Variants in FRMPD4 observed in about 807,000 individuals in gnomAD.
FRMPD4 encodes the protein FERM and PDZ domain containing 4.
FRMPD4 carries 22 observed loss-of-function variants against 94.1 expected under a neutral mutation model. The observed-to-expected ratio is 0.23, with a 90% CI of 0.17 to 0.33. The LOEUF (loss-of-function observed/expected upper bound fraction) is 0.33, where lower values mean the gene tolerates loss of function less well. FRMPD4 is among the 10% of genes least tolerant of loss of function. The probability of loss-of-function intolerance (pLI) is 1.00; values close to 1 mark genes in which losing one functional copy is unlikely to be tolerated. For synonymous variants in FRMPD4, 631 were observed against 548.6 expected (o/e 1.15, Z -2.10); for missense variants, 1,111 against 1,339.9 (o/e 0.83, Z 2.67).
chrX:11,841,585 G>C (rs2053537130), intron 1 of FRMPD4, among the ~76,000 whole-genome samples: 1 of 110,798 alleles, frequency 9.0e-6, no homozygotes, highest in South Asian at 3.8e-4. Context: ...CCCACTTTTT[G>C]ATGGGGTTGT....
chrX:12,475,421 C>T (rs1316019288), intron 1 of FRMPD4, among the ~76,000 whole-genome samples: 1 of 111,604 alleles, frequency 9.0e-6, no homozygotes, highest in East Asian at 2.8e-4. Flanking sequence ...GATGCCCTCT[C>T]TCACCACTCC....
At chrX:12,425,885 G>A (rs2056940073) in intron 1 of FRMPD4, among the ~76,000 whole-genome samples, 1 of 111,942 alleles carries the variant, frequency 8.9e-6, no homozygotes, top group South Asian at 3.8e-4. Context: ...TGTTAGCCAC[G>A]TAATTCCCAT....
rs1431657435 is a variant in FRMPD4, at chrX:12,059,550, C to T, written c.95+181532C>T. On this transcript the variant is annotated intron_variant, in intron 3 of 18. Coordinates refer to the FRMPD4 transcript ENST00000640291. ...TTGCGTGATGATGAGGTTTGGGGTA[C>T]GAATGATCCTGTCACCCAGGTACTG... is the stretch of plus-strand genomic sequence containing the variant. 9.1e-5 allele frequency among the ~76,000 whole-genome samples: 10 copies of T among 110,394 alleles called. No homozygotes were observed. The South Asian group carries it at 1.6e-3, about 17-fold the overall frequency.
chrX:12,298,165 A>G (rs2054802922), intron 1 of FRMPD4, among the ~76,000 whole-genome samples: 4 of 111,902 alleles, frequency 3.6e-5, no homozygotes, highest in African/African-American at 9.7e-5. Context: ...TTTGTTTTTA[A>G]GAACACAGGT....
chrX:11,839,398 T>G (rs939281137), intron 1 of FRMPD4, among the ~76,000 whole-genome samples: 4 of 111,668 alleles, frequency 3.6e-5, no homozygotes, highest in African/African-American at 1.3e-4. Context: ...TCTTTTTTGG[T>G]GAAGTGCCTA....
intron 1 of FRMPD4, among the ~76,000 whole-genome samples, chrX:12,251,375 G>A (rs993204205): frequency 1.8e-5 from 2 of 112,004 alleles, no homozygotes; most frequent in African/African-American, 3.2e-5. Context: ...TTTGTTGAAC[G>A]AATAGAAAGC....
chrX:11,909,294 A>C (rs991705602), intron 3 of FRMPD4, among the ~76,000 whole-genome samples: 4 of 112,083 alleles, frequency 3.6e-5, no homozygotes, highest in African/African-American at 1.3e-4. Flanking sequence ...TGTGTCTTTC[A>C]AGAAATTTGT....
intron 1 of FRMPD4, among the ~76,000 whole-genome samples, chrX:12,368,044 C>T (rs949156524): frequency 7.2e-5 from 8 of 111,666 alleles, no homozygotes; most frequent in African/African-American, 2.6e-4. Context: ...ATGCAATGAC[C>T]ATACATTGCC....
intron 2 of FRMPD4, among the ~76,000 whole-genome samples, chrX:12,567,117 A>C (rs2058721533): frequency 9.0e-6 from 1 of 111,275 alleles, no homozygotes; most frequent in Admixed American, 9.6e-5. Context: ...CTCCTCCCTC[A>C]GTTTCTGCCA....
At chrX:12,559,127 G>A (rs748681074) in intron 2 of FRMPD4, among the ~76,000 whole-genome samples, 4 of 112,239 alleles carry the variant, frequency 3.6e-5, no homozygotes, top group African/African-American at 1.3e-4. Flanking sequence ...TCAGATTTAG[G>A]TTAATAACTT....
At chrX:12,465,246 G>A (rs1455137608) in intron 1 of FRMPD4, among the ~76,000 whole-genome samples, 1 of 111,835 alleles carries the variant, frequency 8.9e-6, no homozygotes, top group Admixed American at 9.5e-5. Context: ...TGATGAGCAT[G>A]GCCCAGGTTG....
intron 2 of FRMPD4, among the ~76,000 whole-genome samples, chrX:12,578,625 C>G (rs1054650060): frequency 1.3e-4 from 15 of 111,756 alleles, no homozygotes; most frequent in Non-Finnish European, 2.8e-4. Flanking sequence ...TTTTTATTAT[C>G]TATACCACCA....
intron 1 of FRMPD4, among the ~76,000 whole-genome samples, chrX:12,208,593 G>A (rs1313275869): frequency 9.0e-6 from 1 of 111,685 alleles, no homozygotes; most frequent in Non-Finnish European, 1.9e-5. Flanking sequence ...ATAGCTGATT[G>A]TTAATTACTG....
rs140411622 is a variant in FRMPD4, at chrX:11,998,540, G to A, written c.95+120522G>A. 4.5e-3 allele frequency among the ~76,000 whole-genome samples: 497 copies of A among 111,423 alleles called. 1 individual carries two copies. Among genetic ancestry groups the A allele is most frequent in the African/African-American group, 0.015 (471 of 30,683 alleles). On this transcript the variant is annotated intron_variant, in intron 3 of 18. Transcript: ENST00000640291. Reference sequence around the variant, plus strand: ...TGGAACAAAGTTGAGAGATCTAGGTGAGAAAATCCAATTTGGCTACCATCG... The same window carrying A: ...TGGAACAAAGTTGAGAGATCTAGGTAAGAAAATCCAATTTGGCTACCATCG...
chrX:12,336,695 T>G (rs1250907213), intron 1 of FRMPD4, among the ~76,000 whole-genome samples: 1 of 111,441 alleles, frequency 9.0e-6, no homozygotes, highest in African/African-American at 3.3e-5. Context: ...ATTATGGACT[T>G]TTAAAAACTA....
At chrX:12,215,057 C>A (rs1368923018) in intron 1 of FRMPD4, among the ~76,000 whole-genome samples, 3 of 111,454 alleles carry the variant, frequency 2.7e-5, no homozygotes, top group African/African-American at 9.8e-5. Context: ...TACTATAGCA[C>A]CCCGTTGAGT....
intron 1 of FRMPD4, among the ~76,000 whole-genome samples, chrX:12,377,516 A>G (rs2056255698): frequency 8.9e-6 from 1 of 112,231 alleles, no homozygotes; most frequent in Admixed American, 9.4e-5. Flanking sequence ...CAGAGCCGTT[A>G]CTTCTCAGCA....
intron 2 of FRMPD4, among the ~76,000 whole-genome samples, chrX:12,516,004 G>T (rs1370080538): frequency 9.0e-6 from 1 of 111,592 alleles, no homozygotes; most frequent in African/African-American, 3.3e-5. Flanking sequence ...TGTTTTATCA[G>T]AAATTAGAAT....
In FRMPD4 at chrX:12,721,882, A is replaced by G; in HGVS notation, c.*24A>G. ...AAATATGGAAGTCACGTCATAATCTACCTTTGCAAAGCCATACATGAACTT... is the reference window on the plus strand; with the variant it reads ...AAATATGGAAGTCACGTCATAATCTGCCTTTGCAAAGCCATACATGAACTT... On this transcript the variant is annotated 3_prime_UTR_variant, in exon 17 of 17. Coordinates refer to ENST00000675598, the MANE Select transcript of FRMPD4 (RefSeq NM_001368397.1). The G allele has an allele frequency of 1.4e-6, 1 of 724,434 alleles. No homozygotes were observed. The highest frequency in any genetic ancestry group is 1.6e-6 in the Non-Finnish European group (1 of 610,636). 59.7% of individuals were successfully genotyped at this position (724,434 alleles called of 1,213,427 possible).
Sources: allele counts gnomAD v4.1 joint callset (sites outside exome capture counted in the v4.1 genomes callset), GRCh38; gene constraint gnomAD v4.1.1; transcripts MANE v1.5; gene names NCBI Gene and HGNC (gene_info 2026-07-23, HGNC 2026-07-21).